The following CRADD variants were observed in gnomAD, a reference collection of about 807,000 sequenced individuals.
The protein encoded by CRADD is CARD and death domain containing adaptor protein, also known as death domain-containing protein CRADD.
A neutral mutation model predicts 15.5 loss-of-function variants in CRADD; 9 were observed. That is an observed-to-expected ratio of 0.58 (90% confidence interval 0.35 to 1.01). The LOEUF (loss-of-function observed/expected upper bound fraction) is 1.01. Among genes scored for constraint, CRADD ranks in the 50% least tolerant of loss-of-function variants. The pLI is 0.02. For synonymous variants in CRADD, 118 were observed against 107.6 expected, an observed-to-expected ratio of 1.10 and a Z score of -0.60; for missense variants, 227 against 250.3, an observed-to-expected ratio of 0.91 and a Z score of 0.63.
chr12:93,718,169 T>C (rs1272149435), intron 2 of CRADD, among the ~76,000 whole-genome samples: 2 of 152,216 alleles, frequency 1.3e-5, no homozygotes, highest in African/African-American at 4.8e-5. Context: ...TTTGCCTCTA[T>C]ATATAAACTT....
At chr12:93,771,108 T>C (rs1957081450) in intron 2 of CRADD, among the ~76,000 whole-genome samples, 1 of 152,240 alleles carries the variant, frequency 6.6e-6, no homozygotes, top group Admixed American at 6.5e-5. Flanking sequence ...TCTCCTTGTG[T>C]TGTAAACCTA....
At chr12:93,692,967 T>C (rs1238315897) in intron 2 of CRADD, among the ~76,000 whole-genome samples, 4 of 152,028 alleles carry the variant, frequency 2.6e-5, no homozygotes, top group Non-Finnish European at 5.9e-5. Context: ...GGGGTGATGG[T>C]GGAGTAAAGT....
At chr12:93,826,629 T>G (rs1217586538) in intron 2 of CRADD, 1 of 151,920 alleles carries the variant, frequency 6.6e-6, no homozygotes, top group Non-Finnish European at 1.5e-5. Context: ...CAGTACCGGG[T>G]GTTTGAGTGA....
chr12:93,855,468 G>C (rs553367165), downstream of CRADD, among the ~76,000 whole-genome samples: 250 of 152,348 alleles, frequency 1.6e-3, 2 homozygotes, highest in Non-Finnish European at 8.8e-4. Context: ...CTCACTGTTT[G>C]ACCAATGAGA....
At chr12:93,847,529 G>T (rs1958144450) in intron 2 of CRADD, among the ~76,000 whole-genome samples, 1 of 121,554 alleles carries the variant, frequency 8.2e-6, no homozygotes, top group African/African-American at 3.1e-5. Context: ...AAACCTCCCT[G>T]TGATGAAATT....
At position 93,804,471 on chromosome 12, in the gene CRADD, C is replaced by T. The variant is rs1372111283; in HGVS notation, c.299-45499C>T. The stretch of plus-strand genomic sequence containing the variant: ...GATGCTCTGGTAAGTGCTGACATAC[C>T]CAGACTATGAGAGATTTGGATCAAA... On this transcript the variant is annotated intron_variant, in intron 2 of 2. Transcript: ENST00000332896. Among the ~76,000 whole-genome samples, 3 of 152,014 alleles carry T rather than the reference C, an allele frequency of 2.0e-5. No individual in the cohort carries two copies. The East Asian group carries it at 5.8e-4, about 29-fold the overall frequency.
intron 2 of CRADD, among the ~76,000 whole-genome samples, chr12:93,779,658 C>T (rs1312971402): frequency 1.0e-4 from 15 of 148,784 alleles, no homozygotes; most frequent in Admixed American, 6.7e-5. Context: ...GGTGCAATCT[C>T]GGCCCACTGC....
intron 2 of CRADD, among the ~76,000 whole-genome samples, chr12:93,827,276 G>GC (rs1179049595): frequency 4.6e-5 from 7 of 152,168 alleles, no homozygotes; most frequent in Non-Finnish European, 1.0e-4. Context: ...GTCATTATGT[G>GC]TTGGTTTCAT....
intron 2 of CRADD, among the ~76,000 whole-genome samples, chr12:93,871,848 T>C (rs529207209): frequency 3.2e-4 from 48 of 152,366 alleles, no homozygotes; most frequent in Non-Finnish European, 2.9e-5. Flanking sequence ...ATCTTAGCTA[T>C]TGTAGACAGT....
At chr12:93,849,267 C>T (rs1295554605) in intron 2 of CRADD, 1 of 152,278 alleles carries the variant, frequency 6.6e-6, no homozygotes, top group East Asian at 1.9e-4. Flanking sequence ...TCTTGAATTC[C>T]CCCAGAATGC....
intron 2 of CRADD, among the ~76,000 whole-genome samples, chr12:93,800,288 A>G (rs1957463211): frequency 6.6e-6 from 1 of 152,110 alleles, no homozygotes; most frequent in Non-Finnish European, 1.5e-5. Flanking sequence ...TGTTGCCCAA[A>G]TGCAGGAGAG....
intron 2 of CRADD, among the ~76,000 whole-genome samples, chr12:93,889,579 C>G (rs572639336): frequency 6.6e-6 from 1 of 152,296 alleles, no homozygotes; most frequent in East Asian, 1.9e-4. Context: ...CTGTCTACCC[C>G]CAGCGGGTCT....
At chr12:93,726,425 C>A (rs1020363907) in intron 2 of CRADD, among the ~76,000 whole-genome samples, 17 of 152,024 alleles carry the variant, frequency 1.1e-4, no homozygotes, top group Non-Finnish European at 2.4e-4. Context: ...TTTTTAATGA[C>A]TCCCTCAACT....
In CRADD at chr12:93,780,390, G is replaced by A. The variant is rs116233068; in HGVS notation, c.299-69580G>A. Among the ~76,000 whole-genome samples the A allele has an allele frequency of 9.4e-3, 1,432 of 152,264 alleles. 30 individuals are homozygous for A. The highest frequency in any genetic ancestry group is 0.033 in the African/African-American group (1,368 of 41,536). On this transcript the variant is annotated intron_variant, in intron 2 of 2. Coordinates refer to ENST00000332896, the MANE Select transcript of CRADD (RefSeq NM_003805.5). Reference sequence around the variant, plus strand: ...TTAAAGTACTTACTGGCAGGCGTGCGCGGTAGATATTACTGTTATCAATCC... The same window carrying A: ...TTAAAGTACTTACTGGCAGGCGTGCACGGTAGATATTACTGTTATCAATCC...
chr12:93,878,221 A>G (rs189137089), intron 2 of CRADD, among the ~76,000 whole-genome samples: 5 of 152,270 alleles, frequency 3.3e-5, no homozygotes, highest in Admixed American at 1.3e-4. Flanking sequence ...GTCTGCAAGA[A>G]CCACAGTGTT....
At chr12:93,880,076 T>A (rs1477925500) in intron 2 of CRADD, among the ~76,000 whole-genome samples, 1 of 152,192 alleles carries the variant, frequency 6.6e-6, no homozygotes, top group African/African-American at 2.4e-5. Context: ...AGTAGGCCCC[T>A]CCTTCACTGT....
intron 2 of CRADD, among the ~76,000 whole-genome samples, chr12:93,795,779 T>C (rs1957408150): frequency 6.6e-6 from 1 of 152,240 alleles, no homozygotes; most frequent in Non-Finnish European, 1.5e-5. Flanking sequence ...TTCTCAAGCT[T>C]ATTTATATAA....
Position 93,689,663 on chromosome 12 carries a change from C to G in CRADD, c.298+10591C>G, listed in dbSNP as rs12322643. On this transcript the variant is annotated intron_variant, in intron 2 of 2. Coordinates refer to ENST00000332896, the MANE Select transcript of CRADD (RefSeq NM_003805.5). ...TATTTATGCTCAGCACCATAGCAGA[C>G]AGGGTGGCAATACCATTACCAAAAT... Among the ~76,000 whole-genome samples the G allele has an allele frequency of 9.2e-3, 1,403 of 152,242 alleles. 16 individuals carry two copies. The highest frequency in any genetic ancestry group is 0.032 in the African/African-American group (1,344 of 41,532).
Position 93,786,321 on chromosome 12 carries a change from G to A in CRADD, c.299-63649G>A, listed in dbSNP as rs553120860. 1.2e-4 allele frequency among the ~76,000 whole-genome samples: 18 copies of A among 152,212 alleles called. No individual in the cohort carries two copies. In the South Asian group the frequency reaches 1.7e-3, roughly 14 times the overall value. On this transcript the variant is annotated intron_variant, in intron 2 of 2. Coordinates refer to ENST00000332896, the MANE Select transcript of CRADD (RefSeq NM_003805.5). The stretch of plus-strand genomic sequence containing the variant: ...TCTGCCCTCTAAGGAATGTGTAAAC[G>A]TATACATCTGTATTTAACTTCTCAA...
Sources: gnomAD v4.1 joint callset for allele counts (sites outside exome capture counted in the v4.1 genomes callset) on GRCh38, gnomAD v4.1.1 for gene constraint, MANE v1.5 for transcripts, NCBI Gene and HGNC (gene_info 2026-07-23, HGNC 2026-07-21) for gene names.